Variants in INVS observed in about 807,000 individuals in gnomAD.
INVS encodes inversion of embryo turning homolog.
Under a neutral mutation model 108.8 loss-of-function variants are expected in INVS, and 86 were observed. That is an observed-to-expected ratio of 0.79 (90% CI 0.66 to 0.95). The LOEUF is 0.95. Ranked by LOEUF, INVS falls within the 40% of genes least tolerant of loss-of-function variation. The probability of loss-of-function intolerance (pLI) is 0.00; values close to 1 mark genes in which losing one functional copy is unlikely to be tolerated. For synonymous variants in INVS, 455 were observed against 473.5 expected (o/e 0.96, Z 0.51); for missense variants, 1,169 against 1,297.4 (o/e 0.90, Z 1.52).
chr9:100,143,884 T>C (rs1197202208), intron 3 of INVS, among the ~76,000 whole-genome samples: 1 of 152,090 alleles, frequency 6.6e-6, no homozygotes, highest in Non-Finnish European at 1.5e-5. Flanking sequence ...TACCTTCCAC[T>C]GTGAGAGTTA....
intron 3 of INVS, among the ~76,000 whole-genome samples, chr9:100,182,753 A>G (rs117691370): frequency 0.019 from 2,833 of 152,162 alleles, 38 homozygotes; most frequent in Middle Eastern, 0.12. Flanking sequence ...CAGAAATACT[A>G]TTTAACCCAG....
intron 3 of INVS, among the ~76,000 whole-genome samples, chr9:100,214,329 G>A (rs994541220): frequency 2.0e-5 from 3 of 152,100 alleles, no homozygotes; most frequent in South Asian, 2.1e-4. Flanking sequence ...TACAGGAGGC[G>A]CTAGATTACA....
intron 12 of INVS, among the ~76,000 whole-genome samples, chr9:100,277,152 G>T (rs1294360357): frequency 6.6e-6 from 1 of 152,166 alleles, no homozygotes; most frequent in African/African-American, 2.4e-5. Context: ...ATTAGTGGAG[G>T]GCTCTGTCTA....
At chr9:100,148,219 A>G (rs1352336106) in intron 3 of INVS, among the ~76,000 whole-genome samples, 1 of 151,992 alleles carries the variant, frequency 6.6e-6, no homozygotes, top group Non-Finnish European at 1.5e-5. Flanking sequence ...GAATATAAAA[A>G]CTTTCTAAAG....
chr9:100,222,780 G>T (rs996362919), intron 3 of INVS, among the ~76,000 whole-genome samples: 1 of 150,832 alleles, frequency 6.6e-6, no homozygotes, highest in Non-Finnish European at 1.5e-5. Context: ...TTTATTTTTC[G>T]GTATGAAGTG....
intron 3 of INVS, among the ~76,000 whole-genome samples, chr9:100,178,386 C>T (rs1391545745): frequency 6.6e-6 from 1 of 151,948 alleles, no homozygotes; most frequent in Non-Finnish European, 1.5e-5. Context: ...AGCTAAGAAC[C>T]TTGAAAAAAG....
intron 11 of INVS, among the ~76,000 whole-genome samples, chr9:100,265,619 G>C (rs1441842595): frequency 6.6e-6 from 1 of 152,164 alleles, no homozygotes; most frequent in African/African-American, 2.4e-5. Context: ...TGATGAAGAG[G>C]ATATTATCAG....
At chr9:100,173,573 C>T (rs1829614873) in intron 3 of INVS, among the ~76,000 whole-genome samples, 1 of 151,906 alleles carries the variant, frequency 6.6e-6, no homozygotes, top group South Asian at 2.1e-4. Context: ...ACTAAAAATA[C>T]AAAAAATTAG....
intron 3 of INVS, among the ~76,000 whole-genome samples, chr9:100,141,075 G>A (rs1828412836): frequency 6.6e-6 from 1 of 152,162 alleles, no homozygotes. Context: ...GTGTAAACCA[G>A]CAGTGTAAAC....
chr9:100,219,266 G>A (rs73491439), intron 3 of INVS, among the ~76,000 whole-genome samples: 29,426 of 151,866 alleles, frequency 0.19, 4,514 homozygotes, highest in African/African-American at 0.43. Context: ...CAAATATCCA[G>A]CAAACATATA....
At chr9:100,175,829 T>G (rs1829694097) in intron 3 of INVS, 1 of 667,256 alleles carries the variant, frequency 1.5e-6, no homozygotes, top group Admixed American at 1.8e-5. Flanking sequence ...CACCCAATCC[T>G]GGAACAATCA....
rs377035142 is a variant in INVS at position 100,116,001 on chromosome 9, G to A, written c.107-10382G>A. ...ATGATCGCCATTCTAACTGGTGTGAGATGATATCTCATTGTGGTTTTGATT... is the reference window on the plus strand; with the variant it reads ...ATGATCGCCATTCTAACTGGTGTGAAATGATATCTCATTGTGGTTTTGATT... On this transcript the variant is annotated intron_variant, in intron 2 of 16. Transcript: ENST00000262457. Among the ~76,000 whole-genome samples, 799 of 152,308 alleles carry A rather than the reference G, an allele frequency of 5.2e-3. 7 individuals carry two copies. The highest frequency in any genetic ancestry group is 0.018 in the African/African-American group (728 of 41,566).
intron 3 of INVS, among the ~76,000 whole-genome samples, chr9:100,189,961 T>G (rs1183423064): frequency 6.6e-6 from 1 of 152,106 alleles, no homozygotes; most frequent in African/African-American, 2.4e-5. Context: ...CCTGTGTTTC[T>G]TTGTTGACTT....
At chr9:100,211,696 T>C (rs2118302913) in intron 3 of INVS, among the ~76,000 whole-genome samples, 1 of 152,248 alleles carries the variant, frequency 6.6e-6, no homozygotes, top group Admixed American at 6.5e-5. Flanking sequence ...TGCCTTTCCC[T>C]CAGTCAAATC....
At chr9:100,162,505 A>T (rs1829222331) in intron 3 of INVS, among the ~76,000 whole-genome samples, 1 of 152,218 alleles carries the variant, frequency 6.6e-6, no homozygotes, top group East Asian at 1.9e-4. Flanking sequence ...CAGGCATTGC[A>T]TATAGACCAC....
chr9:100,187,713 G>A (rs1830096626), intron 3 of INVS, among the ~76,000 whole-genome samples: 1 of 151,930 alleles, frequency 6.6e-6, no homozygotes, highest in South Asian at 2.1e-4. Flanking sequence ...TTTTAGTACG[G>A]ATGAGGTTTC....
intron 12 of INVS, among the ~76,000 whole-genome samples, chr9:100,280,190 A>G (rs1359535605): frequency 1.3e-5 from 2 of 152,144 alleles, no homozygotes; most frequent in Non-Finnish European, 2.9e-5. Flanking sequence ...TTGGGGGAAT[A>G]TCTCTGCCCC....
At chr9:100,133,764 T>TACACACAC (rs147744972) in intron 3 of INVS, among the ~76,000 whole-genome samples, 3,197 of 123,744 alleles carry the variant, frequency 0.026, 106 homozygotes, top group Middle Eastern at 0.048. Flanking sequence ...CTGCCAAAGC[T>TACACACAC]ACACACACAC....
chr9:100,176,423 TGTG>T (rs1829712475), intron 3 of INVS, among the ~76,000 whole-genome samples: 1 of 152,180 alleles, frequency 6.6e-6, no homozygotes, highest in Non-Finnish European at 1.5e-5. Context: ...TACAAATTGA[TGTG>T]GTGAAGGTAT....
Sources: allele counts gnomAD v4.1 joint callset (sites outside exome capture counted in the v4.1 genomes callset), GRCh38; gene constraint gnomAD v4.1.1; transcripts MANE v1.5; gene names NCBI Gene and HGNC (gene_info 2026-07-23, HGNC 2026-07-21).